Variants in MKLN1 observed in about 807,000 individuals in gnomAD.
MKLN1 encodes the protein muskelin 1.
Under a neutral mutation model 99.0 loss-of-function variants are expected in MKLN1, and 18 were observed. The ratio of observed to expected loss-of-function variants is 0.18; its 90% confidence interval spans 0.13 to 0.27. MKLN1 has a LOEUF of 0.27. Among genes scored for constraint, MKLN1 ranks in the 10% least tolerant of loss-of-function variants. The pLI, the probability that MKLN1 is intolerant of heterozygous loss-of-function variation, is 1.00. For synonymous variants in MKLN1, 288 were observed against 293.2 expected (o/e 0.98, Z 0.18); for missense variants, 621 against 875.9 (o/e 0.71, Z 3.67).
chr7:131,272,898 GT>G (rs1356676376), intron 3 of MKLN1, among the ~76,000 whole-genome samples: 1 of 152,188 alleles, frequency 6.6e-6, no homozygotes, highest in East Asian at 1.9e-4. Flanking sequence ...TACAATTCAA[GT>G]TGAGATTGGT....
At chr7:131,234,060 A>G (rs777997530) in intron 3 of MKLN1, among the ~76,000 whole-genome samples, 3 of 151,910 alleles carry the variant, frequency 2.0e-5, no homozygotes, top group Non-Finnish European at 2.9e-5. Context: ...GCTCACTGCA[A>G]CCTCCACTTC....
At chr7:131,251,946 T>C (rs1219628210) in intron 3 of MKLN1, among the ~76,000 whole-genome samples, 1 of 152,204 alleles carries the variant, frequency 6.6e-6, no homozygotes, top group Non-Finnish European at 1.5e-5. Flanking sequence ...CTCAAAGTGC[T>C]GGGACTACAG....
chr7:131,164,499 T>A (rs567185397), intron 2 of MKLN1, among the ~76,000 whole-genome samples: 241 of 152,330 alleles, frequency 1.6e-3, no homozygotes, highest in Non-Finnish European at 2.9e-3. Context: ...ATAAGATTAA[T>A]GCAAGCCAAA....
intron 12 of MKLN1, among the ~76,000 whole-genome samples, chr7:131,456,234 CATTTTTATTATT>C (rs916224516): frequency 1.3e-5 from 2 of 151,990 alleles, no homozygotes; most frequent in African/African-American, 4.8e-5. Flanking sequence ...AACCAGCCTT[CATTTTTATTATT>C]ATAATTATTA....
At chr7:131,268,711 G>A (rs548312136) in intron 3 of MKLN1, among the ~76,000 whole-genome samples, 1 of 152,260 alleles carries the variant, frequency 6.6e-6, no homozygotes, top group East Asian at 1.9e-4. Flanking sequence ...CCTACATGTT[G>A]AGAGAGGCTA....
Position 131,342,893 on chromosome 7 carries a change from T to C in MKLN1, c.98+14896T>C, listed in dbSNP as rs548807239. Reference sequence around the variant, plus strand: ...GTGGTATTATGGCTTTTGAAATTCCTATTTTTACCATAAACAGATTATTAG... The same window carrying C: ...GTGGTATTATGGCTTTTGAAATTCCCATTTTTACCATAAACAGATTATTAG... On this transcript the variant is annotated intron_variant, in intron 1 of 17. Coordinates refer to ENST00000352689, the MANE Select transcript of MKLN1 (RefSeq NM_013255.5). Among the ~76,000 whole-genome samples the C allele has an allele frequency of 2.6e-5, 4 of 152,346 alleles. No individual in the cohort carries two copies. In the East Asian group the frequency reaches 7.7e-4, roughly 29 times the overall value.
At chr7:131,400,278 A>G (rs1250382381) in intron 6 of MKLN1, among the ~76,000 whole-genome samples, 1 of 151,806 alleles carries the variant, frequency 6.6e-6, no homozygotes, top group Non-Finnish European at 1.5e-5. Flanking sequence ...AAAAAAAACC[A>G]GACTTGTACT....
At chr7:131,476,326 CA>C (rs1012686841) in intron 16 of MKLN1, among the ~76,000 whole-genome samples, 11 of 151,970 alleles carry the variant, frequency 7.2e-5, no homozygotes, top group Admixed American at 2.6e-4. Flanking sequence ...CAATAAAAAA[CA>C]TATAGATTGG....
At chr7:131,393,498 C>T (rs751196363) in intron 4 of MKLN1, among the ~76,000 whole-genome samples, 3 of 152,148 alleles carry the variant, frequency 2.0e-5, no homozygotes, top group Non-Finnish European at 2.9e-5. Flanking sequence ...TTACCTCCTT[C>T]CTCTAAAGGT....
chr7:131,480,059 A>G (rs1013350345), intron 17 of MKLN1, among the ~76,000 whole-genome samples: 3 of 151,270 alleles, frequency 2.0e-5, no homozygotes, highest in African/African-American at 7.3e-5. Flanking sequence ...ACTGTAATAA[A>G]GTGGGTGGTC....
intron 3 of MKLN1, among the ~76,000 whole-genome samples, chr7:131,235,297 G>C (rs7458564): frequency 1.4e-5 from 2 of 147,746 alleles, no homozygotes; most frequent in African/African-American, 5.1e-5. Context: ...CACACACACT[G>C]TGTGTGTGTG....
intron 1 of MKLN1, among the ~76,000 whole-genome samples, chr7:131,140,422 G>A (rs1795713440): frequency 6.6e-6 from 1 of 152,132 alleles, no homozygotes. Context: ...GGTGGGGCCT[G>A]GTGGGAGGTG....
intron 1 of MKLN1, chr7:131,142,767 G>A (rs1795755847): frequency 4.6e-6 from 2 of 433,210 alleles, no homozygotes; most frequent in Non-Finnish European, 4.2e-6. Context: ...GCAAGCAGAG[G>A]GCAATTAATA....
intron 3 of MKLN1, among the ~76,000 whole-genome samples, chr7:131,214,302 G>C (rs939734591): frequency 6.6e-6 from 1 of 152,146 alleles, no homozygotes. Context: ...TTTGGCACGG[G>C]CTTCTGTTGC....
chr7:131,227,397 C>G (rs548936517), intron 3 of MKLN1, among the ~76,000 whole-genome samples: 3 of 138,634 alleles, frequency 2.2e-5, no homozygotes, highest in African/African-American at 8.1e-5. Flanking sequence ...TTCTTTCTTT[C>G]TCTCTTTCTT....
At chr7:131,267,045 C>G (rs1015337102) in intron 3 of MKLN1, among the ~76,000 whole-genome samples, 7 of 151,926 alleles carry the variant, frequency 4.6e-5, no homozygotes, top group Non-Finnish European at 1.0e-4. Context: ...AGAAATGAGA[C>G]TTTCCGGCTG....
chr7:131,354,065 C>T (rs1015653088), intron 1 of MKLN1, among the ~76,000 whole-genome samples: 4 of 151,788 alleles, frequency 2.6e-5, no homozygotes, highest in South Asian at 4.2e-4. Context: ...ATAGAGTGAT[C>T]GCTCTCATTT....
At chr7:131,265,134 C>A (rs1797789066) in intron 3 of MKLN1, among the ~76,000 whole-genome samples, 1 of 152,088 alleles carries the variant, frequency 6.6e-6, no homozygotes, top group African/African-American at 2.4e-5. Context: ...GCCACCGCGC[C>A]TGTCCTGTTC....
chr7:131,486,180 T>G (rs922345166), intron 17 of MKLN1, among the ~76,000 whole-genome samples: 6 of 151,842 alleles, frequency 4.0e-5, no homozygotes, highest in African/African-American at 1.5e-4. Flanking sequence ...GGGTGTTCAT[T>G]GCACAATTCT....
Sources: gnomAD v4.1 joint callset for allele counts (sites outside exome capture counted in the v4.1 genomes callset) on GRCh38, gnomAD v4.1.1 for gene constraint, MANE v1.5 for transcripts, NCBI Gene and HGNC (gene_info 2026-07-23, HGNC 2026-07-21) for gene names.